COX10: variants seen among roughly 807,000 people sequenced by gnomAD.
The protein encoded by COX10 is protoheme IX farnesyltransferase, mitochondrial.
In COX10, 27 loss-of-function variants were observed where a neutral mutation model predicts 37.3. That is an observed-to-expected ratio of 0.72 (90% CI 0.53 to 1.00). The LOEUF is 1.00. Ranked by LOEUF, COX10 falls within the 50% of genes least tolerant of loss-of-function variation. The pLI, the probability that COX10 is intolerant of heterozygous loss-of-function variation, is 0.00. For missense variants in COX10, 475 were observed against 563.2 expected (o/e 0.84, Z 1.59); for synonymous variants, 222 against 229.1 (o/e 0.97, Z 0.28).
At chr17:14,075,038 G>A (rs79367432) in intron 2 of COX10, among the ~76,000 whole-genome samples, 9,673 of 152,240 alleles carry the variant, frequency 0.064, 404 homozygotes, top group East Asian at 0.11. Context: ...CATTTTCTCA[G>A]ATGGAAAAGG....
intron 3 of COX10, among the ~76,000 whole-genome samples, chr17:14,078,868 C>T (rs1915216682): frequency 6.6e-6 from 1 of 152,070 alleles, no homozygotes; most frequent in Middle Eastern, 3.2e-3. Context: ...TTTCCCTTTC[C>T]CTGTCCCTCC....
intron 1 of COX10, among the ~76,000 whole-genome samples, chr17:14,072,144 G>A (rs528853412): frequency 1.1e-3 from 173 of 152,270 alleles, no homozygotes; most frequent in African/African-American, 3.9e-3. Flanking sequence ...ATGTTTCAAC[G>A]AAATGAAATG....
intron 2 of COX10, among the ~76,000 whole-genome samples, 167 bp downstream of exon 2, chr17:14,074,623 C>G (rs114096923): frequency 3.2e-4 from 49 of 151,970 alleles, no homozygotes; most frequent in African/African-American, 1.1e-3. Flanking sequence ...TATTCTTAAC[C>G]GAAACCAGAA....
At chr17:14,089,592 C>T (rs1364095561) in intron 3 of COX10, among the ~76,000 whole-genome samples, 3 of 152,152 alleles carry the variant, frequency 2.0e-5, no homozygotes, top group African/African-American at 4.8e-5. Flanking sequence ...TGAAGAACAC[C>T]GTAAGCTTTC....
intron 4 of COX10, among the ~76,000 whole-genome samples, chr17:14,159,254 C>T (rs571356517): frequency 1.3e-5 from 2 of 152,290 alleles, no homozygotes; most frequent in Non-Finnish European, 2.9e-5. Flanking sequence ...ATCTTAATTA[C>T]GTCAGCCCTG....
intron 6 of COX10, among the ~76,000 whole-genome samples, chr17:14,196,362 AC>A: frequency 6.6e-6 from 1 of 152,112 alleles, no homozygotes; most frequent in East Asian, 1.9e-4. Flanking sequence ...CTCTTAACTT[AC>A]CCCAAACTGG....
rs1021700399 is a variant in COX10 at position 14,082,770 on chromosome 17, G to A, written c.499+5714G>A. ...CCAAATGTCAGCATGGTAATGTGCC[G>A]TCATGGTGTGCTTGTTAAAACAGTG... On this transcript the variant is annotated intron_variant, in intron 3 of 6. Transcript: ENST00000261643. Among the ~76,000 whole-genome samples the A allele has an allele frequency of 3.9e-5, 6 of 152,258 alleles. No individual in the cohort carries two copies. The South Asian group carries it at 6.2e-4, about 16-fold the overall frequency.
intron 4 of COX10, among the ~76,000 whole-genome samples, chr17:14,147,071 T>A (rs1171285879): frequency 1.3e-5 from 2 of 152,050 alleles, no homozygotes; most frequent in Non-Finnish European, 2.9e-5. Context: ...GTAGACCCAA[T>A]ATGGAGAACA....
At chr17:14,115,665 G>A (rs1048864612) in intron 4 of COX10, among the ~76,000 whole-genome samples, 2 of 152,102 alleles carry the variant, frequency 1.3e-5, no homozygotes, top group African/African-American at 4.8e-5. Flanking sequence ...TAAGGAAAAT[G>A]TGGATAAGAA....
chr17:14,122,696 C>A (rs1278985002), intron 4 of COX10, among the ~76,000 whole-genome samples: 1 of 152,136 alleles, frequency 6.6e-6, no homozygotes, highest in African/African-American at 2.4e-5. Context: ...GAGACTTGGC[C>A]TGTTCATTGC....
intron 1 of COX10, 149 bp downstream of exon 1, chr17:14,069,797 A>G (rs559475341): frequency 2.2e-6 from 2 of 929,808 alleles, no homozygotes; most frequent in South Asian, 1.4e-5. Context: ...CCTCTGGAGT[A>G]GCTTGGAGTG....
intron 5 of COX10, among the ~76,000 whole-genome samples, chr17:14,161,660 G>A (rs1293005619): frequency 6.6e-6 from 1 of 152,184 alleles, no homozygotes; most frequent in African/African-American, 2.4e-5. Flanking sequence ...GATAAAGAAA[G>A]TGAATTGGTA....
At position 14,181,210 on chromosome 17, in the gene COX10, T is replaced by C. The variant is rs1207397740; in HGVS notation, c.696-10779T>C. ...AGAAGTGTTTCAGGGGGCAAGGGGG[T>C]CAATTCTAGGGCAAAGGAGCTAGAT... On this transcript the variant is annotated intron_variant, in intron 5 of 6. Coordinates refer to ENST00000261643, the MANE Select transcript of COX10 (RefSeq NM_001303.4). Among the ~76,000 whole-genome samples, 521 of 150,486 alleles carry C rather than the reference T, an allele frequency of 3.5e-3. 3 individuals are homozygous for C. Among genetic ancestry groups the C allele is most frequent in the South Asian group, 0.032 (151 of 4,760 alleles).
chr17:14,174,179 G>T (rs1318919430), intron 5 of COX10, among the ~76,000 whole-genome samples: 1 of 152,024 alleles, frequency 6.6e-6, no homozygotes, highest in African/African-American at 2.4e-5. Context: ...GACAAAAGGG[G>T]CCGGGCACAG....
rs1301537803 is a variant in COX10, at chr17:14,206,896, C to T, written c.1015C>T (p.Arg339Trp). The change falls in exon 7 of 7, where the codon CGG (arginine) becomes TGG (tryptophan). Residue 339 changes from arginine (R) to tryptophan (W), a missense_variant. Arg to Trp is a moderately radical substitution (Grantham distance 101). Around this residue, in one of 5 missense-constraint regions of COX10, gnomAD observed 160 missense variants for 180.6 expected, o/e 0.89. Coordinates refer to ENST00000261643, the MANE Select transcript of COX10 (RefSeq NM_001303.4). Reference protein sequence around the residue: ...LSWGLREDYSRGGYCMMSVTH... With the variant: ...LSWGLREDYSWGGYCMMSVTH... Reference sequence around the variant, plus strand: ...CTGGGGCCTCCGTGAAGACTACTCCCGGGGCGGCTACTGCATGATGTCGGT... The same window carrying T: ...CTGGGGCCTCCGTGAAGACTACTCCTGGGGCGGCTACTGCATGATGTCGGT... 5 of 1,613,962 alleles carry T rather than the reference C, an allele frequency of 3.1e-6. No individual in the cohort carries two copies. The highest frequency in any genetic ancestry group is 1.7e-4 in the Middle Eastern group (1 of 6,060).
intron 1 of COX10, among the ~76,000 whole-genome samples, chr17:14,073,928 A>T (rs947049220): frequency 2.0e-5 from 3 of 152,156 alleles, no homozygotes; most frequent in African/African-American, 7.2e-5. Context: ...TAAAATATTA[A>T]CCTGAAATCT....
intron 5 of COX10, among the ~76,000 whole-genome samples, chr17:14,170,005 G>C (rs576497606): frequency 1.3e-5 from 2 of 152,164 alleles, no homozygotes; most frequent in Non-Finnish European, 2.9e-5. Context: ...CTTAAAGCAG[G>C]ATGGCCTCAG....
chr17:14,201,883 G>A (rs1422918761), intron 6 of COX10, among the ~76,000 whole-genome samples: 3 of 152,108 alleles, frequency 2.0e-5, no homozygotes, highest in Non-Finnish European at 4.4e-5. Flanking sequence ...CTCTGACAAC[G>A]CTTCCTCTTA....
At chr17:14,190,704 C>A (rs149422225) in intron 5 of COX10, among the ~76,000 whole-genome samples, 84,131 of 150,976 alleles carry the variant, frequency 0.56, 23,433 homozygotes, top group East Asian at 0.6. Context: ...GACTTCATTC[C>A]GTACTGTAGT....
Sources: allele counts gnomAD v4.1 joint callset (sites outside exome capture counted in the v4.1 genomes callset), GRCh38; gene constraint gnomAD v4.1.1; regional missense constraint gnomAD v4.1.1; transcripts MANE v1.5; gene names NCBI Gene and HGNC (gene_info 2026-07-23, HGNC 2026-07-21).